Variants in NAV1 observed in about 807,000 individuals in gnomAD.
NAV1 encodes pore membrane and/or filament interacting like protein 3.
In NAV1, 18 loss-of-function variants were observed where a neutral mutation model predicts 175.2. That is an observed-to-expected ratio of 0.10 (90% CI 0.07 to 0.15). NAV1 has a LOEUF of 0.15. Among genes scored for constraint, NAV1 ranks in the 10% least tolerant of loss-of-function variants. The pLI is 1.00. For synonymous variants in NAV1, 897 were observed against 978.7 expected (o/e 0.92, Z 1.56); for missense variants, 1,731 against 2,436.6 (o/e 0.71, Z 6.10).
At chr1:201,743,831 C>T (rs1267891405) in intron 3 of NAV1, among the ~76,000 whole-genome samples, 1 of 152,180 alleles carries the variant, frequency 6.6e-6, no homozygotes, top group African/African-American at 2.4e-5. Flanking sequence ...CATATTTATA[C>T]ATTCCTGGTT....
At chr1:201,712,827 C>G (rs1374953932) in exon 2 of NAV1, 1 of 1,613,098 alleles carries the variant, frequency 6.2e-7, no homozygotes, top group East Asian at 2.2e-5. Context: ...ACCCAGAGTC[C>G]CAGAGAAAGA....
exon 1 of NAV1, chr1:201,648,526 T>C (rs965065194): frequency 1.6e-6 from 2 of 1,228,228 alleles, no homozygotes; most frequent in African/African-American, 1.6e-5. Context: ...TCTCTCCCCC[T>C]TCTCTCCCCT....
rs112961663 is a variant in NAV1 at position 201,812,804 on chromosome 1, T to G, written c.5221+143T>G. The G allele has an allele frequency of 3.3e-4, 234 of 713,368 alleles. 3 individuals are homozygous for G. In the African/African-American group the frequency reaches 3.7e-3, roughly 11 times the overall value. 44.2% of individuals were successfully genotyped at this position (713,368 alleles called of 1,614,324 possible). A position where few individuals can be genotyped will look rare whatever the true frequency, so the allele number is the denominator to read the frequency against. ...CTTGTGGCTTCAGACTTAGAACCAC[T>G]TAACGAGCCTTCCCAACACAGTTAG... On this transcript the variant is annotated intron_variant, in intron 27 of 29. Transcript: ENST00000367296. The surrounding 1 kb of genome is among the most constrained non-coding windows in gnomAD (Gnocchi z 4.6).
chr1:201,590,402 C>CT (rs1485963870), intron 2 of NAV1, among the ~76,000 whole-genome samples: 1 of 152,148 alleles, frequency 6.6e-6, no homozygotes. Context: ...TACTTTTTTC[C>CT]TTTTTTTGGC....
intron 3 of NAV1, among the ~76,000 whole-genome samples, chr1:201,779,593 C>T (rs1490688424): frequency 1.6e-4 from 8 of 51,048 alleles, no homozygotes; most frequent in African/African-American, 4.4e-4. Flanking sequence ...AGCAGGACTC[C>T]GTCTCAAAAA....
At chr1:201,573,115 C>A (rs1666594982) in intron 1 of NAV1, among the ~76,000 whole-genome samples, 1 of 152,238 alleles carries the variant, frequency 6.6e-6, no homozygotes, top group Admixed American at 6.5e-5. Flanking sequence ...TTGTGTTGAT[C>A]AAGCTCAGAC....
intron 1 of NAV1, among the ~76,000 whole-genome samples, chr1:201,689,355 A>C (rs538556869): frequency 1.6e-4 from 25 of 152,344 alleles, no homozygotes; most frequent in African/African-American, 6.0e-4. Context: ...CCCAGGGGGA[A>C]GTAGCTGGAA....
At chr1:201,736,420 AC>A (rs1377918995) in intron 3 of NAV1, among the ~76,000 whole-genome samples, 3 of 151,996 alleles carry the variant, frequency 2.0e-5, no homozygotes, top group Non-Finnish European at 4.4e-5. Context: ...ATTCTAACCA[AC>A]CACATCAACC....
At chr1:201,753,949 G>C (rs919156750) in intron 3 of NAV1, among the ~76,000 whole-genome samples, 1 of 152,192 alleles carries the variant, frequency 6.6e-6, no homozygotes, top group Non-Finnish European at 1.5e-5. Flanking sequence ...TCTGATGGCA[G>C]ATGACTACCC....
chr1:201,793,839 C>T (rs1677262582), exon 14 of NAV1: 1 of 1,612,808 alleles, frequency 6.2e-7, no homozygotes. Context: ...ATATGACATC[C>T]CGCCTGCGAC....
At chr1:201,755,527 A>G (rs1191320270) in intron 3 of NAV1, among the ~76,000 whole-genome samples, 2 of 152,216 alleles carry the variant, frequency 1.3e-5, no homozygotes, top group Non-Finnish European at 2.9e-5. Context: ...TTTTATTGTT[A>G]TTTGAAAGGG....
Position 201,599,932 on chromosome 1 carries a change from T to C in NAV1, c.-33+11283T>C, listed in dbSNP as rs544636259. Among the ~76,000 whole-genome samples the C allele has an allele frequency of 5.8e-4, 88 of 152,330 alleles. No individual in the cohort carries two copies. The South Asian group carries it at 0.016, about 27-fold the overall frequency. ...CAGCTTCACTTTCTCTGCTATTTATTATGAAGTGCTATGTGCTCAAAAATA... is the reference window on the plus strand; with the variant it reads ...CAGCTTCACTTTCTCTGCTATTTATCATGAAGTGCTATGTGCTCAAAAATA... On this transcript the variant is annotated intron_variant, in intron 2 of 33. Coordinates refer to the NAV1 transcript ENST00000685211.
intron 1 of NAV1, among the ~76,000 whole-genome samples, chr1:201,579,608 G>A (rs769540569): frequency 3.5e-4 from 53 of 152,040 alleles, no homozygotes; most frequent in Admixed American, 2.0e-4. Flanking sequence ...CACCCACCTC[G>A]GCCTCTCAAA....
chr1:201,714,190 C>T (rs1189491623), intron 2 of NAV1, among the ~76,000 whole-genome samples: 1 of 152,196 alleles, frequency 6.6e-6, no homozygotes, highest in African/African-American at 2.4e-5. Flanking sequence ...GGATTACAGG[C>T]GTGAGCCACC....
At chr1:201,798,314 C>T (rs986331212) in intron 15 of NAV1, 7 of 152,214 alleles carry the variant, frequency 4.6e-5, no homozygotes, top group Middle Eastern at 3.4e-3. Flanking sequence ...CTTTCCTTGC[C>T]CCCAGAGTAA....
intron 1 of NAV1, among the ~76,000 whole-genome samples, chr1:201,551,229 C>G (rs61819694): frequency 0.25 from 38,570 of 151,902 alleles, 5,916 homozygotes; most frequent in Middle Eastern, 0.41. Flanking sequence ...GGACTGGTGT[C>G]TTTCTTTTTT....
chr1:201,577,841 C>A (rs614400), intron 1 of NAV1, among the ~76,000 whole-genome samples: 4 of 152,096 alleles, frequency 2.6e-5, no homozygotes, highest in Non-Finnish European at 5.9e-5. Context: ...TTCTGTCCTC[C>A]GTGGTTTCCA....
chr1:201,698,048 A>G (rs1042823923), intron 1 of NAV1, among the ~76,000 whole-genome samples: 1 of 151,798 alleles, frequency 6.6e-6, no homozygotes, highest in African/African-American at 2.4e-5. Context: ...TTTGACAAAG[A>G]CTCTCTAGCT....
chr1:201,700,228 T>C (rs148793475), intron 1 of NAV1, among the ~76,000 whole-genome samples: 5,201 of 151,572 alleles, frequency 0.034, 220 homozygotes, highest in East Asian at 0.13. Flanking sequence ...CTACAAAGAA[T>C]TTAAATTTAC....
Sources: allele counts gnomAD v4.1 joint callset (sites outside exome capture counted in the v4.1 genomes callset), GRCh38; gene constraint gnomAD v4.1.1; non-coding constraint Gnocchi (gnomAD v3.1); transcripts MANE v1.5; gene names NCBI Gene and HGNC (gene_info 2026-07-23, HGNC 2026-07-21).